Variants in CSMD1 observed in about 807,000 individuals in gnomAD.
CSMD1 encodes CUB and Sushi multiple domains 1.
In CSMD1, 213 loss-of-function variants were observed where a neutral mutation model predicts 417.5. That is an observed-to-expected ratio of 0.51 (90% CI 0.46 to 0.57). The LOEUF (loss-of-function observed/expected upper bound fraction) is 0.57, where lower values mean the gene tolerates loss of function less well. Among genes scored for constraint, CSMD1 ranks in the 20% least tolerant of loss-of-function variants. The pLI is 0.00. For missense variants in CSMD1, 6,923 were observed against 4,529.7 expected (o/e 1.53, Z -15.17); for synonymous variants, 2,862 against 1,736.8 (o/e 1.65, Z -16.11).
At chr8:3,154,975 G>C (rs1296104459) in intron 39 of CSMD1, among the ~76,000 whole-genome samples, 1 of 152,058 alleles carries the variant, frequency 6.6e-6, no homozygotes, top group Admixed American at 6.6e-5. Context: ...TTTATCATGG[G>C]TCATGTGTGA....
At chr8:4,299,518 C>G (rs773967088) in intron 3 of CSMD1, among the ~76,000 whole-genome samples, 4 of 152,188 alleles carry the variant, frequency 2.6e-5, no homozygotes, top group Non-Finnish European at 4.4e-5. Flanking sequence ...CTTGTAAGTG[C>G]TGAGTATATT....
rs74603320 is a variant in CSMD1, at chr8:4,292,988, T to G, written c.415+126965A>C. Among the ~76,000 whole-genome samples, 673 of 152,264 alleles carry G rather than the reference T, an allele frequency of 4.4e-3. 5 individuals carry two copies. Among genetic ancestry groups the G allele is most frequent in the African/African-American group, 0.016 (646 of 41,546 alleles). On this transcript the variant is annotated intron_variant, in intron 3 of 69. Transcript: ENST00000635120. ...GAGGCAAAAGACGTGAACAGTCTCT[T>G]TTCTTCAGGTGCAGAGGGGCAAGGG...
chr8:4,905,799 C>G (rs373084811), intron 1 of CSMD1, among the ~76,000 whole-genome samples: 5,441 of 125,788 alleles, frequency 0.043, 165 homozygotes, highest in African/African-American at 0.095. Context: ...CAGCCTGGGC[C>G]ACAGAGCGAG....
intron 3 of CSMD1, among the ~76,000 whole-genome samples, chr8:4,190,970 G>C (rs770007881): frequency 7.2e-5 from 11 of 151,912 alleles, no homozygotes; most frequent in Non-Finnish European, 1.3e-4. Flanking sequence ...GGCGGGGAAG[G>C]GAGAGGATCA....
intron 6 of CSMD1, among the ~76,000 whole-genome samples, chr8:3,724,103 T>C (rs1177668558): frequency 1.4e-5 from 2 of 145,400 alleles, no homozygotes; most frequent in African/African-American, 4.9e-5. Flanking sequence ...GCACATTAAA[T>C]ACGAAAGCAG....
At chr8:4,775,940 G>T (rs1010443330) in intron 1 of CSMD1, among the ~76,000 whole-genome samples, 1 of 152,184 alleles carries the variant, frequency 6.6e-6, no homozygotes, top group African/African-American at 2.4e-5. Flanking sequence ...AATTAGTCAA[G>T]GCAGTTGGAG....
intron 1 of CSMD1, among the ~76,000 whole-genome samples, chr8:4,718,632 G>A (rs80185733): frequency 0.045 from 6,877 of 151,636 alleles, 152 homozygotes; most frequent in East Asian, 0.081. Context: ...ATTTTAAACT[G>A]GAAAACCAAA....
chr8:4,666,574 T>A (rs995764550), intron 1 of CSMD1, among the ~76,000 whole-genome samples: 2 of 152,238 alleles, frequency 1.3e-5, no homozygotes, highest in Non-Finnish European at 2.9e-5. Flanking sequence ...CTTCTAAAAC[T>A]GTAAAATAAC....
intron 55 of CSMD1, among the ~76,000 whole-genome samples, chr8:2,978,193 C>T (rs886607689): frequency 6.6e-6 from 1 of 152,182 alleles, no homozygotes; most frequent in African/African-American, 2.4e-5. Flanking sequence ...GCCAGGTCAA[C>T]AGACAGAAAC....
At chr8:3,985,647 A>G in intron 5 of CSMD1, among the ~76,000 whole-genome samples, 1 of 152,192 alleles carries the variant, frequency 6.6e-6, no homozygotes, top group East Asian at 1.9e-4. Flanking sequence ...TTGCACTCAC[A>G]GAAGCTTGCT....
chr8:4,045,100 G>A (rs952820136), intron 3 of CSMD1, among the ~76,000 whole-genome samples: 2 of 152,166 alleles, frequency 1.3e-5, no homozygotes, highest in African/African-American at 4.8e-5. Context: ...CGGGGCACAG[G>A]GAGACACTGA....
intron 6 of CSMD1, among the ~76,000 whole-genome samples, chr8:3,737,229 C>T (rs369056056): frequency 6.6e-6 from 1 of 151,936 alleles, no homozygotes; most frequent in African/African-American, 2.4e-5. Context: ...TGATTTTTTG[C>T]TTTCTAGAGA....
At chr8:3,327,183 C>G (rs957222417) in intron 23 of CSMD1, among the ~76,000 whole-genome samples, 1 of 151,652 alleles carries the variant, frequency 6.6e-6, no homozygotes, top group Non-Finnish European at 1.5e-5. Flanking sequence ...CTCTGTCACC[C>G]AGGCTGGAGT....
At chr8:4,291,026 C>A (rs187917157) in intron 3 of CSMD1, among the ~76,000 whole-genome samples, 1 of 152,162 alleles carries the variant, frequency 6.6e-6, no homozygotes, top group Non-Finnish European at 1.5e-5. Context: ...AAAATAAGAT[C>A]TTCTTTGTAC....
At chr8:4,164,642 C>A (rs1187984923) in intron 3 of CSMD1, among the ~76,000 whole-genome samples, 2 of 152,022 alleles carry the variant, frequency 1.3e-5, no homozygotes, top group African/African-American at 2.4e-5. Flanking sequence ...GTGATTGAGT[C>A]CCTCACACAA....
chr8:3,823,016 GA>G (rs1801827186), intron 5 of CSMD1, among the ~76,000 whole-genome samples: 2 of 152,106 alleles, frequency 1.3e-5, no homozygotes, highest in Admixed American at 1.3e-4. Flanking sequence ...TGAGTCAGCT[GA>G]AAACATAATT....
chr8:4,351,263 T>G (rs1440658152), intron 3 of CSMD1, among the ~76,000 whole-genome samples: 1 of 152,218 alleles, frequency 6.6e-6, no homozygotes, highest in African/African-American at 2.4e-5. Context: ...TTCTAAGAAG[T>G]AAACATTAGA....
At chr8:2,949,261 T>C in intron 68 of CSMD1, 38 bp downstream of exon 68, 2 of 1,142,698 alleles carry the variant, frequency 1.8e-6, no homozygotes, top group Non-Finnish European at 2.6e-6. Context: ...AAAGCCAAAC[T>C]GATATTTGCT....
chr8:4,439,520 G>A (rs964085748), intron 2 of CSMD1, among the ~76,000 whole-genome samples: 1 of 150,762 alleles, frequency 6.6e-6, no homozygotes. Flanking sequence ...ATACATATAT[G>A]CATACATTTG....
Sources: gnomAD v4.1 joint callset for allele counts (sites outside exome capture counted in the v4.1 genomes callset) on GRCh38, gnomAD v4.1.1 for gene constraint, MANE v1.5 for transcripts, NCBI Gene and HGNC (gene_info 2026-07-23, HGNC 2026-07-21) for gene names.